Variants in OOSP2 observed in about 807,000 individuals in gnomAD.
OOSP2 encodes the protein oocyte secreted protein 2.
In OOSP2, 7 loss-of-function variants were observed where a neutral mutation model predicts 13.4. That is an observed-to-expected ratio of 0.52 (90% CI 0.30 to 0.98). OOSP2 has a LOEUF of 0.98. Ranked by LOEUF, OOSP2 falls within the 50% of genes least tolerant of loss-of-function variation. OOSP2 has a pLI of 0.07. For missense variants in OOSP2, 184 were observed against 188.5 expected (o/e 0.98, Z 0.14); for synonymous variants, 75 against 67.2 (o/e 1.12, Z -0.57).
Position 60,047,189 on chromosome 11 carries a change from T to A in OOSP2, c.*116T>A. On this transcript the variant is annotated 3_prime_UTR_variant, in exon 4 of 4. Coordinates refer to ENST00000278855, the MANE Select transcript of OOSP2 (RefSeq NM_173801.5). ...TATCTCTCCTTAAGTCTCTGGTTTC[T>A]AAAAACCCTACTTCAGTAAAGGTCC... is the stretch of plus-strand genomic sequence containing the variant. 2 of 811,822 alleles carry A rather than the reference T, an allele frequency of 2.5e-6. No homozygotes were observed. Among genetic ancestry groups the A allele is most frequent in the African/African-American group, 1.7e-5 (1 of 57,988 alleles). The allele number at this position is 811,822 out of a possible 1,614,324, so 50.3% of individuals were successfully genotyped here.
intron 1 of OOSP2, among the ~76,000 whole-genome samples, chr11:60,040,941 CTGTTT>C (rs1331207864): frequency 1.3e-5 from 2 of 152,140 alleles, no homozygotes; most frequent in Admixed American, 1.3e-4. Flanking sequence ...GATATTATTG[CTGTTT>C]TGTTCCCTTA....
At chr11:60,046,554 T>C (rs1855010521) in intron 3 of OOSP2, among the ~76,000 whole-genome samples, 1 of 152,212 alleles carries the variant, frequency 6.6e-6, no homozygotes, top group Non-Finnish European at 1.5e-5. Flanking sequence ...CATTGACATA[T>C]AGAACTTTGC....
intron 3 of OOSP2, among the ~76,000 whole-genome samples, chr11:60,046,363 C>T (rs1033451752): frequency 2.6e-5 from 4 of 152,234 alleles, no homozygotes; most frequent in East Asian, 1.9e-4. Context: ...ACTGCCTTTC[C>T]GTAGGCTGCC....
In OOSP2 at chr11:60,044,794, T is replaced by C. The variant is rs753051038; in HGVS notation, c.347+20T>C. 8.5e-7 allele frequency: 1 copy of C among 1,176,690 alleles called. No individual in the cohort carries two copies. The highest frequency in any genetic ancestry group is 1.7e-5 in the Admixed American group (1 of 57,750). The allele number at this position is 1,176,690 out of a possible 1,614,324, so 72.9% of individuals were successfully genotyped here. ...CTCTAGGTAAGTCCAGCAGATTTGA[T>C]TCCTTTGGAATGTTTTAGCTTTACC... On this transcript the variant is annotated intron_variant, in intron 3 of 3. Coordinates refer to ENST00000278855, the MANE Select transcript of OOSP2 (RefSeq NM_173801.5).
At chr11:60,040,577 G>A (rs377466176) in intron 1 of OOSP2, 54 bp downstream of exon 1, 253 of 981,730 alleles carry the variant, frequency 2.6e-4, no homozygotes, top group Non-Finnish European at 3.8e-4. Flanking sequence ...CATAATGATC[G>A]CTTTCCATGC....
intron 2 of OOSP2, among the ~76,000 whole-genome samples, chr11:60,044,425 A>T (rs540083588): frequency 6.6e-6 from 1 of 152,318 alleles, no homozygotes; most frequent in East Asian, 1.9e-4. Flanking sequence ...AATCATAAAG[A>T]TGGCTGTAAG....
chr11:60,041,326 T>G (rs1854925521), intron 1 of OOSP2, among the ~76,000 whole-genome samples: 1 of 152,132 alleles, frequency 6.6e-6, no homozygotes. Flanking sequence ...ATTTTAAGAA[T>G]GCCTAGATCA....
intron 1 of OOSP2, among the ~76,000 whole-genome samples, 181 bp from the exon 2 acceptor site, chr11:60,043,288 T>C (rs997431250): frequency 6.6e-6 from 1 of 152,146 alleles, no homozygotes; most frequent in African/African-American, 2.4e-5. Flanking sequence ...GGGGGCATAA[T>C]TAGTTAGGTA....
rs372542276 is a variant in OOSP2 at position 60,040,437 on chromosome 11, G to C, written c.-23G>C. 62 of 1,471,876 alleles carry C rather than the reference G, an allele frequency of 4.2e-5. No homozygotes were observed. The highest frequency in any genetic ancestry group is 5.2e-5 in the Non-Finnish European group (55 of 1,050,124). 91.2% of individuals were successfully genotyped at this position (1,471,876 alleles called of 1,614,324 possible). A position where few individuals can be genotyped will look rare whatever the true frequency, so the allele number is the denominator to read the frequency against. The stretch of plus-strand genomic sequence containing the variant: ...GTTTCCTGAGTTGTCCTGTGCTGGA[G>C]GTCTGCTCAGACGAAGGTCTCCATG... On this transcript the variant is annotated 5_prime_UTR_variant, in exon 1 of 4. Transcript: ENST00000278855.
At chr11:60,042,131 CAAAA>C (rs368450642) in intron 1 of OOSP2, among the ~76,000 whole-genome samples, 259 of 152,092 alleles carry the variant, frequency 1.7e-3, no homozygotes, top group Non-Finnish European at 3.1e-3. Flanking sequence ...AACAAACAAA[CAAAA>C]AAACCCCCCC....
chr11:60,044,685 A>G lies in OOSP2; in HGVS notation c.258A>G (p.Glu86=). 2.6e-6 allele frequency: 4 copies of G among 1,566,688 alleles called. No individual in the cohort carries two copies. Among genetic ancestry groups the G allele is most frequent in the Non-Finnish European group, 3.5e-6 (4 of 1,138,258 alleles). Residue 86 remains glutamate, a synonymous_variant, in exon 3 of 4, where the codon GAA becomes GAG. Transcript: ENST00000278855. ...CGIRTRVVSE[E]TLLFQTELYF... Reference sequence around the variant, plus strand: ...TGCTCTCCTAGGTAGTTTCTGAGGAAACTCTCCTTTTTCAAACCGAGCTGT... The same window carrying G: ...TGCTCTCCTAGGTAGTTTCTGAGGAGACTCTCCTTTTTCAAACCGAGCTGT...
intron 2 of OOSP2, 107 bp downstream of exon 2, chr11:60,043,754 A>G (rs1590602284): frequency 1.6e-6 from 1 of 625,396 alleles, no homozygotes; most frequent in East Asian, 2.7e-5. Context: ...TCATTGTAGT[A>G]ATTTATGGGC....
At chr11:60,045,814 T>A (rs921420838) in intron 3 of OOSP2, among the ~76,000 whole-genome samples, 2 of 152,242 alleles carry the variant, frequency 1.3e-5, no homozygotes, top group African/African-American at 4.8e-5. Context: ...ATTTTCATAA[T>A]ACTTTTACTC....
intron 2 of OOSP2, among the ~76,000 whole-genome samples, chr11:60,044,015 A>T (rs547148077): frequency 2.6e-5 from 4 of 152,242 alleles, no homozygotes; most frequent in Admixed American, 1.3e-4. Flanking sequence ...TCCATGTTCC[A>T]TGAGGATTTG....
intron 1 of OOSP2, among the ~76,000 whole-genome samples, chr11:60,041,543 C>T (rs1189677646): frequency 1.3e-5 from 2 of 152,038 alleles, no homozygotes; most frequent in Admixed American, 6.6e-5. Flanking sequence ...TTTGATAGAA[C>T]GTCAGACTAA....
At chr11:60,043,983 A>T (rs1854974559) in intron 2 of OOSP2, among the ~76,000 whole-genome samples, 1 of 152,214 alleles carries the variant, frequency 6.6e-6, no homozygotes. Flanking sequence ...ATCATGTTCA[A>T]TGTTAGGTCA....
intron 3 of OOSP2, 162 bp from the exon 4 acceptor site, chr11:60,046,782 C>T (rs1855012984): frequency 4.0e-6 from 3 of 756,380 alleles, no homozygotes; most frequent in Non-Finnish European, 4.9e-6. Context: ...TGCTCAAATC[C>T]TGTACCAAGA....
chr11:60,044,511 A>G (rs1854984854), intron 2 of OOSP2, among the ~76,000 whole-genome samples, 160 bp from the exon 3 acceptor site: 1 of 152,028 alleles, frequency 6.6e-6, no homozygotes, highest in South Asian at 2.1e-4. Context: ...TAGGGATAAC[A>G]CTCCTCTTCT....
chr11:60,043,674 A>G, intron 2 of OOSP2, 27 bp downstream of exon 2: 1 of 1,336,576 alleles, frequency 7.5e-7, no homozygotes, highest in African/African-American at 1.4e-5. Context: ...TTTGTAAAAA[A>G]TACTGCATGT....
Sources: gnomAD v4.1 joint callset for allele counts (sites outside exome capture counted in the v4.1 genomes callset) on GRCh38, gnomAD v4.1.1 for gene constraint, MANE v1.5 for transcripts, NCBI Gene and HGNC (gene_info 2026-07-23, HGNC 2026-07-21) for gene names.